The following USP34 variants were observed in gnomAD, a reference collection of about 807,000 sequenced individuals.
USP34 encodes the protein ubiquitin carboxyl-terminal hydrolase 34.
A neutral mutation model predicts 460.3 loss-of-function variants in USP34; 70 were observed. That is an observed-to-expected ratio of 0.15 (90% CI 0.13 to 0.19). The LOEUF is 0.19. Among genes scored for constraint, USP34 ranks in the 10% least tolerant of loss-of-function variants. The probability of loss-of-function intolerance (pLI) is 1.00; values close to 1 mark genes in which losing one functional copy is unlikely to be tolerated. For missense variants in USP34, 3,985 were observed against 4,236.2 expected (o/e 0.94, Z 1.65); for synonymous variants, 1,647 against 1,405.3 (o/e 1.17, Z -3.85).
chr2:61,221,048 A>G (rs1191467886), intron 66 of USP34, among the ~76,000 whole-genome samples: 1 of 152,200 alleles, frequency 6.6e-6, no homozygotes, highest in African/African-American at 2.4e-5. Flanking sequence ...CAGACACTGT[A>G]TGCCACACAA....
At chr2:61,454,113 G>T (rs1695362572) in intron 1 of USP34, among the ~76,000 whole-genome samples, 1 of 152,126 alleles carries the variant, frequency 6.6e-6, no homozygotes, top group African/African-American at 2.4e-5. Flanking sequence ...TTTCTACAGT[G>T]ATTAAATTAT....
intron 58 of USP34, among the ~76,000 whole-genome samples, chr2:61,232,036 T>G (rs1687920796): frequency 6.6e-6 from 1 of 152,102 alleles, no homozygotes; most frequent in African/African-American, 2.4e-5. Flanking sequence ...AAACAAACTG[T>G]TTCGTTTGAC....
intron 39 of USP34, among the ~76,000 whole-genome samples, chr2:61,279,638 G>C (rs1488290584): frequency 6.6e-6 from 1 of 152,050 alleles, no homozygotes; most frequent in East Asian, 1.9e-4. Context: ...GCTAATTTTT[G>C]CATTTTTAGT....
At chr2:61,366,216 G>A (rs571504852) in intron 10 of USP34, among the ~76,000 whole-genome samples, 13 of 152,256 alleles carry the variant, frequency 8.5e-5, no homozygotes, top group Admixed American at 2.0e-4. Flanking sequence ...GAGCCACCAC[G>A]CCCAGACAGT....
intron 43 of USP34, among the ~76,000 whole-genome samples, chr2:61,264,340 G>A (rs1445796074): frequency 1.3e-5 from 2 of 152,112 alleles, no homozygotes; most frequent in South Asian, 4.1e-4. Context: ...CAAGACAAAA[G>A]ATAACATGAT....
chr2:61,398,669 A>G (rs138252848), intron 3 of USP34, among the ~76,000 whole-genome samples: 133 of 152,318 alleles, frequency 8.7e-4, no homozygotes, highest in African/African-American at 3.1e-3. Flanking sequence ...AGCTAGCTAG[A>G]AACTTTCATC....
At chr2:61,372,915 G>C (rs1692674765) in intron 8 of USP34, among the ~76,000 whole-genome samples, 1 of 152,026 alleles carries the variant, frequency 6.6e-6, no homozygotes, top group Non-Finnish European at 1.5e-5. Flanking sequence ...CCAAGAAGTA[G>C]AACAAACTCC....
intron 62 of USP34, among the ~76,000 whole-genome samples, chr2:61,224,184 A>C (rs1381835948): frequency 6.6e-6 from 1 of 152,180 alleles, no homozygotes; most frequent in African/African-American, 2.4e-5. Flanking sequence ...CTTTTGCCAT[A>C]ATTAGTTGAA....
chr2:61,425,621 C>T (rs1694488645), intron 1 of USP34, among the ~76,000 whole-genome samples: 1 of 152,148 alleles, frequency 6.6e-6, no homozygotes, highest in Admixed American at 6.5e-5. Context: ...TCCCACCAGC[C>T]TCACCATGGA....
At chr2:61,409,613 CAG>C (rs1184743716) in intron 2 of USP34, among the ~76,000 whole-genome samples, 3 of 152,134 alleles carry the variant, frequency 2.0e-5, no homozygotes, top group East Asian at 3.9e-4. Context: ...ACTCAGGAGG[CAG>C]AGACAGGAGA....
chr2:61,269,820 ATAT>A (rs1471472216), intron 41 of USP34, among the ~76,000 whole-genome samples: 2 of 152,192 alleles, frequency 1.3e-5, no homozygotes, highest in Admixed American at 1.3e-4. Context: ...TTAATGGAAT[ATAT>A]TATATTTTGA....
At chr2:61,385,186 T>C in intron 5 of USP34, among the ~76,000 whole-genome samples, 1 of 152,144 alleles carries the variant, frequency 6.6e-6, no homozygotes, top group East Asian at 1.9e-4. Flanking sequence ...TCTAACAAGA[T>C]ACACACCTCT....
rs559928046 is a variant in USP34 at position 61,349,383 on chromosome 2, T to G, written c.1508-98A>C. On this transcript the variant is annotated intron_variant, in intron 12 of 79. Coordinates refer to ENST00000398571, the MANE Select transcript of USP34 (RefSeq NM_014709.4). ...TTCATATTACATAATCAACAAGATG[T>G]AAGTGGAGAAACCTGCAATAAGGTT... 2.9e-5 allele frequency: 36 copies of G among 1,233,350 alleles called. 1 individual carries two copies. Among genetic ancestry groups the G allele is most frequent in the East Asian group, 2.2e-4 (9 of 40,904 alleles). The allele number at this position is 1,233,350 out of a possible 1,614,324, so 76.4% of individuals were successfully genotyped here.
chr2:61,309,353 G>T (rs1472808642), intron 27 of USP34, among the ~76,000 whole-genome samples: 1 of 152,132 alleles, frequency 6.6e-6, no homozygotes, highest in Non-Finnish European at 1.5e-5. Flanking sequence ...AGAAAGGTAT[G>T]GATCATGGAA....
At chr2:61,232,171 TA>T (rs1687925034) in intron 58 of USP34, among the ~76,000 whole-genome samples, 1 of 152,114 alleles carries the variant, frequency 6.6e-6, no homozygotes, top group African/African-American at 2.4e-5. Context: ...ATAAAGCATC[TA>T]ATAATAAAGA....
intron 2 of USP34, among the ~76,000 whole-genome samples, chr2:61,411,098 G>A (rs1404175213): frequency 1.3e-5 from 2 of 152,084 alleles, no homozygotes; most frequent in South Asian, 2.1e-4. Context: ...AGGCAAGTGT[G>A]ATCAAGAAAA....
rs201044623 is a variant in USP34, at chr2:61,413,419, CAA to C, written c.132-7293_132-7292del. 2.3e-3 allele frequency among the ~76,000 whole-genome samples: 328 copies of C among 141,430 alleles called. 7 individuals are homozygous for C. In the East Asian group the frequency reaches 0.058, roughly 25 times the overall value. 92.8% of individuals were successfully genotyped at this position (141,430 alleles called of 152,430 possible). ...AAATTAAAATAAAAAAATAAAAAAA[CAA>C]AAGAGGCCGAGTGAGTGGCTCACGC... is the stretch of plus-strand genomic sequence containing the variant. On this transcript the variant is annotated intron_variant, in intron 2 of 79. Coordinates refer to ENST00000398571, the MANE Select transcript of USP34 (RefSeq NM_014709.4).
intron 48 of USP34, among the ~76,000 whole-genome samples, chr2:61,251,002 G>T (rs1688564586): frequency 1.3e-5 from 2 of 152,194 alleles, no homozygotes; most frequent in Admixed American, 6.5e-5. Flanking sequence ...GCCGGGCGTG[G>T]TGGCGGGCGC....
At chr2:61,269,049 G>A (rs1689138227) in intron 41 of USP34, among the ~76,000 whole-genome samples, 1 of 152,030 alleles carries the variant, frequency 6.6e-6, no homozygotes, top group African/African-American at 2.4e-5. Context: ...AAGTATGATA[G>A]GCAAATAATA....
Sources: gnomAD v4.1 joint callset for allele counts (sites outside exome capture counted in the v4.1 genomes callset) on GRCh38, gnomAD v4.1.1 for gene constraint, MANE v1.5 for transcripts, NCBI Gene and HGNC (gene_info 2026-07-23, HGNC 2026-07-21) for gene names.